The following EIPR1 variants were observed in gnomAD, a reference collection of about 807,000 sequenced individuals.
EIPR1 encodes the protein EARP and GARP complex-interacting protein 1.
A neutral mutation model predicts 48.1 loss-of-function variants in EIPR1; 25 were observed. The ratio of observed to expected loss-of-function variants is 0.52; its 90% confidence interval spans 0.38 to 0.73. The LOEUF (loss-of-function observed/expected upper bound fraction) is 0.73, where lower values mean the gene tolerates loss of function less well. EIPR1 is among the 30% of genes least tolerant of loss of function. EIPR1 has a pLI of 0.00. For synonymous variants in EIPR1, 204 were observed against 201.9 expected, an observed-to-expected ratio of 1.01 and a Z score of -0.09; for missense variants, 415 against 506.2, an observed-to-expected ratio of 0.82 and a Z score of 1.73.
intron 3 of EIPR1, among the ~76,000 whole-genome samples, chr2:3,303,739 G>C (rs911078516): frequency 5.3e-5 from 8 of 152,306 alleles, no homozygotes; most frequent in South Asian, 2.1e-4. Context: ...GAACACAATA[G>C]ACGACACGTG....
intron 5 of EIPR1, among the ~76,000 whole-genome samples, chr2:3,201,752 G>A (rs953654879): frequency 6.6e-5 from 10 of 152,184 alleles, no homozygotes; most frequent in African/African-American, 2.4e-4. Flanking sequence ...AATAAACATT[G>A]CCAACAGCAA....
At chr2:3,192,916 G>A (rs538591829) in intron 7 of EIPR1, among the ~76,000 whole-genome samples, 1 of 151,966 alleles carries the variant, frequency 6.6e-6, no homozygotes, top group African/African-American at 2.4e-5. Context: ...GTGGATTAGC[G>A]ATATCCTGTA....
intron 4 of EIPR1, among the ~76,000 whole-genome samples, chr2:3,245,635 G>C (rs1277651536): frequency 6.6e-6 from 1 of 152,226 alleles, no homozygotes; most frequent in African/African-American, 2.4e-5. Context: ...ATCATTCTGA[G>C]CTCCTTTGGA....
chr2:3,249,629 T>G (rs1572354613), intron 4 of EIPR1, among the ~76,000 whole-genome samples: 1 of 152,200 alleles, frequency 6.6e-6, no homozygotes, highest in East Asian at 1.9e-4. Flanking sequence ...TTTGCATGAC[T>G]AAAAAGGAAC....
At chr2:3,299,451 C>G (rs530329458) in intron 3 of EIPR1, among the ~76,000 whole-genome samples, 1 of 152,212 alleles carries the variant, frequency 6.6e-6, no homozygotes, top group African/African-American at 2.4e-5. Flanking sequence ...CTGGGCGCGG[C>G]CTTGTTACGA....
At chr2:3,227,470 T>C (rs1271961064) in intron 4 of EIPR1, among the ~76,000 whole-genome samples, 1 of 152,112 alleles carries the variant, frequency 6.6e-6, no homozygotes, top group African/African-American at 2.4e-5. Context: ...TAAGTGGAAA[T>C]GCATTCAAGA....
At chr2:3,316,586 A>T (rs1035826046) in intron 3 of EIPR1, among the ~76,000 whole-genome samples, 4 of 152,182 alleles carry the variant, frequency 2.6e-5, no homozygotes, top group African/African-American at 9.6e-5. Flanking sequence ...GGCCACACTC[A>T]CACGTTCTAT....
In EIPR1 at chr2:3,193,933, G is replaced by A. The variant is rs111534648; in HGVS notation, c.821+66C>T. 2,986 of 1,566,000 alleles carry A rather than the reference G, an allele frequency of 1.9e-3. 55 individuals are homozygous for A. In the African/African-American group the frequency reaches 0.035, roughly 19 times the overall value. On this transcript the variant is annotated intron_variant, in intron 7 of 8. Coordinates refer to ENST00000382125, the MANE Select transcript of EIPR1 (RefSeq NM_003310.5). ...AAGCTGGTTTGTGTCTTTCCCAATG[G>A]TAAAGTAATTAGCAAAATCAATTGC... is the stretch of plus-strand genomic sequence containing the variant.
chr2:3,332,828 A>G (rs1669939991), intron 3 of EIPR1, among the ~76,000 whole-genome samples: 1 of 152,230 alleles, frequency 6.6e-6, no homozygotes, highest in Non-Finnish European at 1.5e-5. Context: ...CAATCATCAC[A>G]GGTAATAACT....
intron 3 of EIPR1, among the ~76,000 whole-genome samples, chr2:3,273,825 C>T (rs1374791392): frequency 6.6e-6 from 1 of 152,180 alleles, no homozygotes; most frequent in Non-Finnish European, 1.5e-5. Context: ...CCACGACAAA[C>T]CCATGAAGAC....
At chr2:3,298,002 C>G (rs1243091770) in intron 3 of EIPR1, among the ~76,000 whole-genome samples, 1 of 152,226 alleles carries the variant, frequency 6.6e-6, no homozygotes, top group Non-Finnish European at 1.5e-5. Flanking sequence ...AATACTTTCT[C>G]AGTGCCTACT....
intron 3 of EIPR1, among the ~76,000 whole-genome samples, chr2:3,331,090 T>G (rs1669883994): frequency 2.9e-5 from 4 of 136,474 alleles, no homozygotes; most frequent in Non-Finnish European, 6.6e-5. Context: ...CATGAGATGG[T>G]GTGAGCAGAG....
intron 3 of EIPR1, among the ~76,000 whole-genome samples, chr2:3,264,955 G>A (rs967277912): frequency 2.0e-5 from 3 of 152,134 alleles, no homozygotes; most frequent in Admixed American, 6.5e-5. Flanking sequence ...AAAGTGCTGG[G>A]ATTACAGGCT....
intron 4 of EIPR1, 86 bp from the exon 5 acceptor site, chr2:3,214,334 T>G: frequency 7.9e-7 from 1 of 1,263,262 alleles, no homozygotes; most frequent in South Asian, 1.3e-5. Context: ...ATGTTCTTCA[T>G]GACGCAGGAA....
intron 1 of EIPR1, among the ~76,000 whole-genome samples, chr2:3,369,195 C>T (rs1434531631): frequency 2.0e-5 from 3 of 152,172 alleles, no homozygotes; most frequent in Non-Finnish European, 4.4e-5. Context: ...TATTTGACTA[C>T]CTTAGAGAAT....
intron 3 of EIPR1, among the ~76,000 whole-genome samples, chr2:3,290,159 G>T (rs1290694788): frequency 1.3e-5 from 2 of 152,190 alleles, no homozygotes; most frequent in African/African-American, 4.8e-5. Context: ...GGTGCTACAG[G>T]CCCAGCATAC....
chr2:3,311,021 T>A (rs552730744), intron 3 of EIPR1, among the ~76,000 whole-genome samples: 1 of 152,306 alleles, frequency 6.6e-6, no homozygotes, highest in South Asian at 2.1e-4. Flanking sequence ...ACTTCCTATT[T>A]TCTTGTTTAC....
chr2:3,295,429 CTG>C (rs1668532344), intron 3 of EIPR1, among the ~76,000 whole-genome samples: 9 of 135,572 alleles, frequency 6.6e-5, no homozygotes, highest in Non-Finnish European at 1.3e-4. Flanking sequence ...CCCATCCTCT[CTG>C]CACACACACA....
rs565487533 is a variant in EIPR1 at position 3,251,125 on chromosome 2, A to G, written c.416+6174T>C. ...CACCCCCAAGGGAGTGTTCAGTTCA[A>G]TTCCACCCAGGCGGCCAGCGGTCTG... is the stretch of plus-strand genomic sequence containing the variant. On this transcript the variant is annotated intron_variant, in intron 4 of 8. Transcript: ENST00000382125. 7.9e-5 allele frequency among the ~76,000 whole-genome samples: 12 copies of G among 152,352 alleles called. No individual in the cohort carries two copies. In the South Asian group the frequency reaches 2.3e-3, roughly 29 times the overall value.
Sources: gnomAD v4.1 joint callset for allele counts (sites outside exome capture counted in the v4.1 genomes callset) on GRCh38, gnomAD v4.1.1 for gene constraint, MANE v1.5 for transcripts, NCBI Gene and HGNC (gene_info 2026-07-23, HGNC 2026-07-21) for gene names.